Variants in OSBPL9 observed in about 807,000 individuals in gnomAD.
The protein encoded by OSBPL9 is oxysterol binding protein like 9.
Under a neutral mutation model 106.6 loss-of-function variants are expected in OSBPL9, and 40 were observed. The ratio of observed to expected loss-of-function variants is 0.38; its 90% CI spans 0.29 to 0.49. The LOEUF (loss-of-function observed/expected upper bound fraction) is 0.49, where lower values mean the gene tolerates loss of function less well. OSBPL9 is among the 20% of genes least tolerant of loss of function. The pLI is 0.97. For missense variants in OSBPL9, 609 were observed against 887.2 expected, an observed-to-expected ratio of 0.69 and a Z score of 3.98; for synonymous variants, 269 against 295.4, an observed-to-expected ratio of 0.91 and a Z score of 0.92.
chr1:51,521,325 G>A, the OSBPL9 span, among the ~76,000 whole-genome samples: 1 of 152,128 alleles, frequency 6.6e-6, no homozygotes, highest in Non-Finnish European at 1.5e-5. Context: ...AATCGCTTTG[G>A]GGAGTATAAT....
At chr1:51,571,718 C>G in the OSBPL9 span, among the ~76,000 whole-genome samples, 1 of 152,098 alleles carries the variant, frequency 6.6e-6, no homozygotes, top group Non-Finnish European at 1.5e-5. Flanking sequence ...CCAAAGACCC[C>G]AAGAACAGCT....
At chr1:51,532,743 T>A in the OSBPL9 span, among the ~76,000 whole-genome samples, 1 of 152,032 alleles carries the variant, frequency 6.6e-6, no homozygotes, top group Non-Finnish European at 1.5e-5. Flanking sequence ...AGAGGACCTA[T>A]CAAGGGAGTG....
chr1:51,677,430 G>C (rs1651516517), intron 3 of OSBPL9, among the ~76,000 whole-genome samples: 1 of 152,148 alleles, frequency 6.6e-6, no homozygotes, highest in East Asian at 1.9e-4. Context: ...GGCATGTCTT[G>C]CCTTAAGCAA....
At chr1:51,673,553 A>G (rs1440444237) in intron 3 of OSBPL9, among the ~76,000 whole-genome samples, 4 of 152,206 alleles carry the variant, frequency 2.6e-5, no homozygotes, top group Non-Finnish European at 5.9e-5. Flanking sequence ...AGCAAGAGAG[A>G]ATGGGATCTA....
chr1:51,712,268 G>A lies in OSBPL9; in HGVS notation c.242-1735G>A, dbSNP rs569140570. Among the ~76,000 whole-genome samples, 29 of 152,336 alleles carry A rather than the reference G, an allele frequency of 1.9e-4. No homozygotes were observed. In the East Asian group the frequency reaches 4.2e-3, roughly 22 times the overall value. ...TCCACCAAAACCAGTCAGGCGTGGC[G>A]GCGCGCGCCTGCAATCGCAGGCACT... On this transcript the variant is annotated intron_variant, in intron 3 of 23. Transcript: ENST00000428468.
intron 3 of OSBPL9, among the ~76,000 whole-genome samples, chr1:51,685,626 G>C (rs1232371993): frequency 6.6e-6 from 1 of 152,120 alleles, no homozygotes; most frequent in Non-Finnish European, 1.5e-5. Flanking sequence ...TCGAACTCCT[G>C]ACCTCAAGTT....
intron 6 of OSBPL9, 60 bp downstream of exon 6, chr1:51,746,817 A>T (rs1322346630): frequency 2.9e-6 from 4 of 1,356,154 alleles, no homozygotes. Context: ...TTTGGAGAAC[A>T]CTAAGTATCT....
the OSBPL9 span, among the ~76,000 whole-genome samples, chr1:51,533,886 G>C: frequency 1.4e-5 from 2 of 144,672 alleles, no homozygotes; most frequent in South Asian, 4.3e-4. Context: ...TAATACTGAG[G>C]TTAGGGGTTA....
chr1:51,737,638 C>T (rs941640829), intron 4 of OSBPL9, among the ~76,000 whole-genome samples: 5 of 150,826 alleles, frequency 3.3e-5, no homozygotes, highest in East Asian at 2.0e-4. Context: ...AAAACTGCAA[C>T]TTGAGTATTA....
chr1:51,701,230 G>A (rs772112774), intron 3 of OSBPL9, among the ~76,000 whole-genome samples: 5 of 152,152 alleles, frequency 3.3e-5, no homozygotes, highest in Middle Eastern at 3.2e-3. Flanking sequence ...GTGAGCCACC[G>A]CGCCCGGCCC....
chr1:51,748,814 G>C (rs530904686), intron 7 of OSBPL9, among the ~76,000 whole-genome samples: 1 of 152,184 alleles, frequency 6.6e-6, no homozygotes, highest in South Asian at 2.1e-4. Context: ...GGCCGGGCGC[G>C]GTGGCTCACA....
the OSBPL9 span, among the ~76,000 whole-genome samples, chr1:51,540,955 T>C: frequency 7.4e-6 from 1 of 135,714 alleles, no homozygotes; most frequent in Non-Finnish European, 1.5e-5. Flanking sequence ...TGAGACTCCA[T>C]CTCAAAAAAA....
At chr1:51,760,313 T>C (rs1671215739) in intron 9 of OSBPL9, 1 of 216,186 alleles carries the variant, frequency 4.6e-6, no homozygotes, top group Admixed American at 5.5e-5. Context: ...GTTGGACATT[T>C]GGTGTAACTC....
rs542789642 is a variant in OSBPL9 at position 51,666,589 on chromosome 1, C to G, written c.163-2845C>G. Among the ~76,000 whole-genome samples, 165 of 152,148 alleles carry G rather than the reference C, an allele frequency of 1.1e-3. 1 individual carries two copies. The highest frequency in any genetic ancestry group is 1.5e-3 in the Non-Finnish European group (100 of 68,028). On this transcript the variant is annotated intron_variant, in intron 2 of 23. Coordinates refer to ENST00000428468, the MANE Select transcript of OSBPL9 (RefSeq NM_024586.6). ...AAGTTCTGTTGGATAACACTGCCGT[C>G]AATCTTGTCATCACAGAGCACTAAA...
the OSBPL9 span, among the ~76,000 whole-genome samples, chr1:51,557,374 G>C: frequency 6.6e-6 from 1 of 152,164 alleles, no homozygotes; most frequent in Non-Finnish European, 1.5e-5. Context: ...GTTGTCAGCA[G>C]TCTTGTTAGG....
chr1:51,708,908 C>T (rs1659200797), intron 3 of OSBPL9, among the ~76,000 whole-genome samples: 1 of 152,146 alleles, frequency 6.6e-6, no homozygotes, highest in Non-Finnish European at 1.5e-5. Flanking sequence ...TCCATTTTCC[C>T]TTTTCCAATC....
chr1:51,521,907 G>A, the OSBPL9 span, among the ~76,000 whole-genome samples: 3 of 151,880 alleles, frequency 2.0e-5, no homozygotes, highest in Non-Finnish European at 2.9e-5. Flanking sequence ...ACAGGCACCC[G>A]CCACCACACC....
chr1:51,782,725 GGTACT>G (rs1432378506), intron 17 of OSBPL9, 82 bp downstream of exon 17: 3 of 1,218,254 alleles, frequency 2.5e-6, no homozygotes, highest in Non-Finnish European at 3.5e-6. Context: ...CATAGCTGAG[GGTACT>G]GTCAGTTGTG....
intron 1 of OSBPL9, among the ~76,000 whole-genome samples, chr1:51,645,400 C>T (rs1646090072): frequency 6.6e-6 from 1 of 151,982 alleles, no homozygotes; most frequent in African/African-American, 2.4e-5. Context: ...TACCCCTACC[C>T]AGATATATAT....
Sources: allele counts gnomAD v4.1 joint callset (sites outside exome capture counted in the v4.1 genomes callset), GRCh38; gene constraint gnomAD v4.1.1; transcripts MANE v1.5; gene names NCBI Gene and HGNC (gene_info 2026-07-23, HGNC 2026-07-21).